LMO3: variants seen among roughly 807,000 people sequenced by gnomAD.
LMO3 encodes the protein LIM domain only protein 3.
A neutral mutation model predicts 15.8 loss-of-function variants in LMO3; 2 were observed. The ratio of observed to expected loss-of-function variants is 0.13; its 90% CI spans 0.05 to 0.40. LMO3 has a LOEUF of 0.40. Among genes scored for constraint, LMO3 ranks in the 10% least tolerant of loss-of-function variants. The pLI is 0.99. For synonymous variants in LMO3, 62 were observed against 63.8 expected (o/e 0.97, Z 0.13); for missense variants, 86 against 182.2 (o/e 0.47, Z 3.04).
In LMO3 at chr12:16,586,315, T is replaced by C. The variant is rs781345947; in HGVS notation, c.206+14340A>G. On this transcript the variant is annotated intron_variant, in intron 2 of 3. Transcript: ENST00000537304. The surrounding 1 kb of genome is among the most constrained non-coding windows in gnomAD (Gnocchi z 4.3). ...ATGTCATGATACGATGAAGTCCACA[T>C]ACGGAACAACTAAGAAACAACTAAA... Among the ~76,000 whole-genome samples the C allele has an allele frequency of 6.6e-6, 1 of 152,264 alleles. No individual in the cohort carries two copies. Among genetic ancestry groups the C allele is most frequent in the Non-Finnish European group, 1.5e-5 (1 of 68,014 alleles).
chr12:16,580,570 A>T (rs1943128378), intron 2 of LMO3, among the ~76,000 whole-genome samples: 1 of 152,228 alleles, frequency 6.6e-6, no homozygotes, highest in South Asian at 2.1e-4. Flanking sequence ...AACAAGGATC[A>T]GGTAGTAGAT....
intron 2 of LMO3, among the ~76,000 whole-genome samples, chr12:16,569,909 C>T (rs574909299): frequency 1.3e-5 from 2 of 152,142 alleles, no homozygotes; most frequent in East Asian, 3.9e-4. Context: ...AATATTTTAT[C>T]TAATCACTAT....
At position 16,596,752 on chromosome 12, in the gene LMO3, G is replaced by A. The variant is rs570604130; in HGVS notation, c.206+3903C>T. On this transcript the variant is annotated intron_variant, in intron 2 of 3. Transcript: ENST00000537304. The surrounding 1 kb of genome is among the most constrained non-coding windows in gnomAD (Gnocchi z 4.3). ...ATATTTTTTCAAACTGAAATAAGGC[G>A]GATAGATCGCAGTGATGAGTACCTT... Among the ~76,000 whole-genome samples, 13 of 151,626 alleles carry A rather than the reference G, an allele frequency of 8.6e-5. No homozygotes were observed. The highest frequency in any genetic ancestry group is 2.1e-4 in the South Asian group (1 of 4,816).
chr12:16,554,167 G>T (rs1403949460), intron 3 of LMO3, among the ~76,000 whole-genome samples: 1 of 152,178 alleles, frequency 6.6e-6, no homozygotes, highest in Non-Finnish European at 1.5e-5. Flanking sequence ...GACTTGAGAA[G>T]TATATGAAAC....
chr12:16,579,622 T>C (rs1447888207), intron 2 of LMO3, among the ~76,000 whole-genome samples: 1 of 152,186 alleles, frequency 6.6e-6, no homozygotes, highest in African/African-American at 2.4e-5. Flanking sequence ...GGTGGAATCC[T>C]TTAGTTGAAG....
At chr12:16,566,421 A>C (rs549545438) in intron 2 of LMO3, among the ~76,000 whole-genome samples, 9 of 152,180 alleles carry the variant, frequency 5.9e-5, no homozygotes, top group African/African-American at 1.4e-4. Context: ...TCAACACACA[A>C]AAAAATGATA....
chr12:16,551,096 T>C lies in LMO3; in HGVS notation c.*126A>G, dbSNP rs572372816. ...GATGCAGTCCGCCTTTTATTCCATA[T>C]AACCATCCTGCCTTCCTATATCTAC... On this transcript the variant is annotated 3_prime_UTR_variant, in exon 4 of 4. Coordinates refer to ENST00000537304, the MANE Select transcript of LMO3 (RefSeq NM_018640.5). The C allele has an allele frequency of 1.2e-4, 80 of 640,970 alleles. No homozygotes were observed. The highest frequency in any genetic ancestry group is 5.8e-4 in the Admixed American group (23 of 39,742). 39.7% of individuals were successfully genotyped at this position (640,970 alleles called of 1,614,324 possible). A position where few individuals can be genotyped will look rare whatever the true frequency, so the allele number is the denominator to read the frequency against.
chr12:16,568,126 T>C (rs1942683535), intron 2 of LMO3, among the ~76,000 whole-genome samples: 1 of 152,214 alleles, frequency 6.6e-6, no homozygotes, highest in Admixed American at 6.5e-5. Context: ...TGAAAGTTAT[T>C]GTCATCGGTT....
intron 1 of LMO3, chr12:16,601,852 C>A (rs1192037881): frequency 1.3e-5 from 2 of 152,096 alleles, no homozygotes; most frequent in African/African-American, 2.4e-5. Context: ...AATGGACATT[C>A]ACCTTGAGTG....
chr12:16,558,815 T>A (rs1396743214), intron 3 of LMO3, among the ~76,000 whole-genome samples: 1 of 152,186 alleles, frequency 6.6e-6, no homozygotes, highest in Non-Finnish European at 1.5e-5. Context: ...ATTATAAAGA[T>A]AACTAACTTT....
rs1481979617 is a variant in LMO3, at chr12:16,599,308, AG to A, written c.206+1346del. ...CTTGGAACACAGAGAAGTAGTAACA[AG>A]TGGCCATAATTAGTCAGGAGGCTGT... is the stretch of plus-strand genomic sequence containing the variant. On this transcript the variant is annotated intron_variant, in intron 2 of 3. Coordinates refer to ENST00000537304, the MANE Select transcript of LMO3 (RefSeq NM_018640.5). The surrounding 1 kb of genome is among the most constrained non-coding windows in gnomAD (Gnocchi z 4.1). The A allele has an allele frequency of 1.3e-5, 2 of 152,304 alleles. No homozygotes were observed. The highest frequency in any genetic ancestry group is 2.9e-5 in the Non-Finnish European group (2 of 68,088). 9.4% of individuals were successfully genotyped at this position (152,304 alleles called of 1,614,324 possible). A position where few individuals can be genotyped will look rare whatever the true frequency, so the allele number is the denominator to read the frequency against.
In LMO3 at chr12:16,582,766, G is replaced by A. The variant is rs887980339; in HGVS notation, c.206+17889C>T. Reference sequence around the variant, plus strand: ...GACGCCCAGAAAAGAATCAGAACTAGGCCGGGCACGGTGGCCCATGCCTGT... The same window carrying A: ...GACGCCCAGAAAAGAATCAGAACTAAGCCGGGCACGGTGGCCCATGCCTGT... On this transcript the variant is annotated intron_variant, in intron 2 of 3. Coordinates refer to ENST00000537304, the MANE Select transcript of LMO3 (RefSeq NM_018640.5). This position sits in a 1 kb window ranked among gnomAD's most constrained non-coding sequence, Gnocchi z 4.1. 2.6e-5 allele frequency among the ~76,000 whole-genome samples: 4 copies of A among 152,176 alleles called. No homozygotes were observed. Among genetic ancestry groups the A allele is most frequent in the Non-Finnish European group, 5.9e-5 (4 of 68,036 alleles).
chr12:16,551,981 A>C (rs959559563), intron 3 of LMO3, among the ~76,000 whole-genome samples: 2 of 152,012 alleles, frequency 1.3e-5, no homozygotes, highest in African/African-American at 4.8e-5. Flanking sequence ...GAGCACTTCC[A>C]ATTCAACCAA....
chr12:16,567,012 T>C (rs1245948212), intron 2 of LMO3, among the ~76,000 whole-genome samples: 1 of 152,162 alleles, frequency 6.6e-6, no homozygotes. Flanking sequence ...CTGGCCAATA[T>C]GGCAAAACCC....
rs963898367 is a variant in LMO3, at chr12:16,604,702, G to C, written c.-9+1364C>G. On this transcript the variant is annotated intron_variant, in intron 1 of 3. Coordinates refer to ENST00000537304, the MANE Select transcript of LMO3 (RefSeq NM_018640.5). This position sits in a 1 kb window ranked among gnomAD's most constrained non-coding sequence, Gnocchi z 5.3. ...AATGTAGCAGTATTTGTTGCATCTAGCAAGATTAATTGGTTTAAGCAGCAG... is the reference window on the plus strand; with the variant it reads ...AATGTAGCAGTATTTGTTGCATCTACCAAGATTAATTGGTTTAAGCAGCAG... 5 of 733,248 alleles carry C rather than the reference G, an allele frequency of 6.8e-6. No individual in the cohort carries two copies. Among genetic ancestry groups the C allele is most frequent in the Admixed American group, 5.1e-5 (2 of 39,362 alleles). 45.4% of individuals were successfully genotyped at this position (733,248 alleles called of 1,614,324 possible). A position where few individuals can be genotyped will look rare whatever the true frequency, so the allele number is the denominator to read the frequency against.
rs983709840 is a variant in LMO3, at chr12:16,599,809, C to T, written c.206+846G>A. ...ACAAGCTTTAGTAGGCTTCATAGCT[C>T]CATAACCAAGAACACCTGCCTTGTC... On this transcript the variant is annotated intron_variant, in intron 2 of 3. Coordinates refer to ENST00000537304, the MANE Select transcript of LMO3 (RefSeq NM_018640.5). This position sits in a 1 kb window ranked among gnomAD's most constrained non-coding sequence, Gnocchi z 4.1. 2.0e-5 allele frequency: 3 copies of T among 152,104 alleles called. No individual in the cohort carries two copies. Among genetic ancestry groups the T allele is most frequent in the African/African-American group, 7.2e-5 (3 of 41,424 alleles). 9.4% of individuals were successfully genotyped at this position (152,104 alleles called of 1,614,324 possible).
At chr12:16,575,022 AAC>A (rs1260052790) in intron 2 of LMO3, among the ~76,000 whole-genome samples, 1 of 152,184 alleles carries the variant, frequency 6.6e-6, no homozygotes, top group Non-Finnish European at 1.5e-5. Flanking sequence ...AAAAGAAACA[AAC>A]ACAAAACACA....
intron 2 of LMO3, among the ~76,000 whole-genome samples, chr12:16,568,551 G>A (rs1942698209): frequency 6.6e-6 from 1 of 152,158 alleles, no homozygotes; most frequent in Non-Finnish European, 1.5e-5. Flanking sequence ...GAATTGAGAT[G>A]CTCTAAGTGG....
Position 16,605,377 on chromosome 12 carries a change from T to C in LMO3, c.-9+689A>G, listed in dbSNP as rs1591838723. 6 of 1,187,808 alleles carry C rather than the reference T, an allele frequency of 5.1e-6. No individual in the cohort carries two copies. The East Asian group carries it at 1.9e-4, about 38-fold the overall frequency. 73.6% of individuals were successfully genotyped at this position (1,187,808 alleles called of 1,614,324 possible). The stretch of plus-strand genomic sequence containing the variant: ...CAGTTTGAATCTCAATCTATTAGGA[T>C]ATAGGCACCTTGGTCCAGGGACCTT... On this transcript the variant is annotated intron_variant, in intron 1 of 3. Coordinates refer to ENST00000537304, the MANE Select transcript of LMO3 (RefSeq NM_018640.5).
Sources: gnomAD v4.1 joint callset for allele counts (sites outside exome capture counted in the v4.1 genomes callset) on GRCh38, gnomAD v4.1.1 for gene constraint, Gnocchi (gnomAD v3.1) non-coding constraint, MANE v1.5 for transcripts, NCBI Gene and HGNC (gene_info 2026-07-23, HGNC 2026-07-21) for gene names.